RTL4: variants seen among roughly 807,000 people sequenced by gnomAD.
RTL4 encodes the protein retrotransposon Gag like 4, also known as retrotransposon Gag-like protein 4.
Under a neutral mutation model 5.3 loss-of-function variants are expected in RTL4, and 4 were observed. The observed-to-expected ratio is 0.75, with a 90% CI of 0.37 to 1.72. RTL4 has a LOEUF of 1.72. RTL4 is among the 40% of genes most tolerant of loss of function. RTL4 has a pLI of 0.04. For missense variants in RTL4, 260 were observed against 227.1 expected, an observed-to-expected ratio of 1.14 and a Z score of -0.93; for synonymous variants, 98 against 87.3, an observed-to-expected ratio of 1.12 and a Z score of -0.68.
chrX:112,295,393 C>G, the RTL4 span, among the ~76,000 whole-genome samples: 1 of 112,144 alleles, frequency 8.9e-6, no homozygotes, highest in Non-Finnish European at 1.9e-5. Flanking sequence ...TTTTACCACT[C>G]CCACTTGAAG....
At chrX:112,197,787 T>C in the RTL4 span, among the ~76,000 whole-genome samples, 1 of 111,793 alleles carries the variant, frequency 8.9e-6, no homozygotes, top group Non-Finnish European at 1.9e-5. Flanking sequence ...TTGTTTTTCT[T>C]TGTATTTTTG....
chrX:112,255,126 G>A, the RTL4 span, among the ~76,000 whole-genome samples: 3 of 111,559 alleles, frequency 2.7e-5, no homozygotes, highest in Non-Finnish European at 5.6e-5. Context: ...GTGCTATATA[G>A]TATGCATAGT....
chrX:112,398,522 C>T, the RTL4 span, among the ~76,000 whole-genome samples: 1 of 106,775 alleles, frequency 9.4e-6, no homozygotes, highest in Non-Finnish European at 1.9e-5. Flanking sequence ...GCCTCAGCCT[C>T]CCAAGTAGCT....
chrX:112,277,933 TA>T, the RTL4 span, among the ~76,000 whole-genome samples: 2 of 112,094 alleles, frequency 1.8e-5, no homozygotes, highest in South Asian at 7.6e-4. Context: ...GAAGTAAGGC[TA>T]AAAATTTGCA....
chrX:112,153,440 T>C, the RTL4 span, among the ~76,000 whole-genome samples: 1 of 112,173 alleles, frequency 8.9e-6, no homozygotes, highest in African/African-American at 3.2e-5. Flanking sequence ...AGTGAATAAA[T>C]GAAAGTTGAT....
At chrX:112,354,829 G>A in the RTL4 span, among the ~76,000 whole-genome samples, 1 of 111,059 alleles carries the variant, frequency 9.0e-6, no homozygotes, top group African/African-American at 3.3e-5. Flanking sequence ...ACTCTTTGAG[G>A]TTCACCCTTT....
the RTL4 span, among the ~76,000 whole-genome samples, chrX:112,249,527 C>A: frequency 9.0e-6 from 1 of 110,776 alleles, no homozygotes; most frequent in African/African-American, 3.3e-5. Flanking sequence ...AGATGGCCCT[C>A]CCAAATCAGC....
At chrX:112,371,051 C>G in the RTL4 span, among the ~76,000 whole-genome samples, 1 of 110,561 alleles carries the variant, frequency 9.0e-6, no homozygotes, top group Admixed American at 9.7e-5. Context: ...CTCCATGACT[C>G]TGGTGACAAT....
the RTL4 span, among the ~76,000 whole-genome samples, chrX:112,142,531 A>T: frequency 8.9e-6 from 1 of 112,022 alleles, no homozygotes; most frequent in East Asian, 2.8e-4. Flanking sequence ...TACCATGTGT[A>T]GGCAAAGATC....
chrX:112,160,291 GT>G, the RTL4 span, among the ~76,000 whole-genome samples: 1 of 111,852 alleles, frequency 8.9e-6, no homozygotes, highest in African/African-American at 3.3e-5. Flanking sequence ...GTGTTAAGAG[GT>G]TTGAGCCTTC....
chrX:112,347,822 G>T, the RTL4 span, among the ~76,000 whole-genome samples: 1 of 111,296 alleles, frequency 9.0e-6, no homozygotes, highest in African/African-American at 3.3e-5. Flanking sequence ...GGACTTTTGG[G>T]CAGTTCCTTA....
chrX:112,186,257 T>C, the RTL4 span, among the ~76,000 whole-genome samples: 1 of 112,102 alleles, frequency 8.9e-6, no homozygotes, highest in Non-Finnish European at 1.9e-5. Context: ...TAACTTGGTG[T>C]AATATAGGGA....
At chrX:112,272,672 C>A in the RTL4 span, among the ~76,000 whole-genome samples, 1 of 111,178 alleles carries the variant, frequency 9.0e-6, no homozygotes, top group Non-Finnish European at 1.9e-5. Flanking sequence ...ATTTCACATA[C>A]CATGTAGTCT....
At chrX:112,222,139 T>C in the RTL4 span, among the ~76,000 whole-genome samples, 1 of 111,647 alleles carries the variant, frequency 9.0e-6, no homozygotes, top group Non-Finnish European at 1.9e-5. Context: ...GGAGGCCCAC[T>C]AGACCCACAA....
At chrX:112,123,050 A>T in the RTL4 span, among the ~76,000 whole-genome samples, 1 of 111,714 alleles carries the variant, frequency 9.0e-6, no homozygotes, top group African/African-American at 3.2e-5. Context: ...TGGAAGAATA[A>T]CTTACAGCAG....
At chrX:112,316,057 C>G in the RTL4 span, among the ~76,000 whole-genome samples, 25 of 112,239 alleles carry the variant, frequency 2.2e-4, no homozygotes, top group Non-Finnish European at 4.7e-4. Flanking sequence ...TGCCCACCTG[C>G]AGTGGAGAAG....
chrX:112,108,891 T>C, the RTL4 span, among the ~76,000 whole-genome samples: 2 of 111,389 alleles, frequency 1.8e-5, no homozygotes, highest in Non-Finnish European at 3.8e-5. Flanking sequence ...AGGCTCAGTC[T>C]GTGGATACCA....
chrX:112,217,959 C>T, the RTL4 span, among the ~76,000 whole-genome samples: 6 of 111,802 alleles, frequency 5.4e-5, no homozygotes, highest in African/African-American at 1.3e-4. Flanking sequence ...CATCACTAGA[C>T]ATTTAATCAA....
chrX:112,387,717 A>G, the RTL4 span, among the ~76,000 whole-genome samples: 21,057 of 111,266 alleles, frequency 0.19, 1,532 homozygotes, highest in Admixed American at 0.31. Context: ...TGTGTTGAAT[A>G]TCAGATGGTT....
Sources: gnomAD v4.1 joint callset for allele counts (sites outside exome capture counted in the v4.1 genomes callset) on GRCh38, gnomAD v4.1.1 for gene constraint, MANE v1.5 for transcripts, NCBI Gene and HGNC (gene_info 2026-07-23, HGNC 2026-07-21) for gene names.